GOLGA4: variants seen among roughly 807,000 people sequenced by gnomAD.
GOLGA4 encodes golgin A4, also known as golgin subfamily A member 4.
A neutral mutation model predicts 265.9 loss-of-function variants in GOLGA4; 169 were observed. The ratio of observed to expected loss-of-function variants is 0.64; its 90% CI spans 0.56 to 0.72. GOLGA4 has a LOEUF of 0.72. GOLGA4 is among the 30% of genes least tolerant of loss of function. The pLI is 0.00. For synonymous variants in GOLGA4, 923 were observed against 855.8 expected (o/e 1.08, Z -1.37); for missense variants, 2,482 against 2,483.4 (o/e 1.00, Z 0.01).
At chr3:37,245,129 T>G (rs1047227183) in intron 1 of GOLGA4, among the ~76,000 whole-genome samples, 1 of 152,244 alleles carries the variant, frequency 6.6e-6, no homozygotes, top group East Asian at 1.9e-4. Context: ...AATAGAGAAT[T>G]GGTTAAATTT....
intron 19 of GOLGA4, among the ~76,000 whole-genome samples, chr3:37,339,749 A>C (rs2097026620): frequency 6.6e-6 from 1 of 152,152 alleles, no homozygotes; most frequent in South Asian, 2.1e-4. Context: ...TTGAGTTGTA[A>C]ATGCTCTTTA....
chr3:37,306,287 G>A (rs929054626), intron 10 of GOLGA4, among the ~76,000 whole-genome samples: 3 of 152,188 alleles, frequency 2.0e-5, no homozygotes, highest in East Asian at 3.9e-4. Context: ...GGTTATAAGC[G>A]CTTCTGTAAT....
Position 37,324,089 on chromosome 3 carries a change from C to G in GOLGA4, c.2203C>G (p.Gln735Glu). The G allele has an allele frequency of 6.2e-7, 1 of 1,614,034 alleles. No homozygotes were observed. The highest frequency in any genetic ancestry group is 8.5e-7 in the Non-Finnish European group (1 of 1,179,998). ...MDEQKNHHQQ[Q>E]VDSIIKEHEV... ...TGAACAGAAAAATCATCACCAGCAG[C>G]AAGTTGACAGTATCATTAAAGAACA... Residue 735 changes from glutamine (Q) to glutamate (E), a missense_variant, in exon 14 of 24, where the codon CAA becomes GAA. By Grantham distance (29) the Gln-to-Glu change is conservative. Transcript: ENST00000361924.
chr3:37,257,972 T>C lies in GOLGA4; in HGVS notation c.162+6488T>C, dbSNP rs1273899717. ...ATGTATGTATATATGTATATATACATACATATATATATGTATGTATATATG... is the reference window on the plus strand; with the variant it reads ...ATGTATGTATATATGTATATATACACACATATATATATGTATGTATATATG... On this transcript the variant is annotated intron_variant, in intron 2 of 23. Coordinates refer to ENST00000361924, the MANE Select transcript of GOLGA4 (RefSeq NM_002078.5). Among the ~76,000 whole-genome samples the C allele has an allele frequency of 6.0e-5, 6 of 99,372 alleles. No individual in the cohort carries two copies. The East Asian group carries it at 9.7e-4, about 16-fold the overall frequency. 65.2% of individuals were successfully genotyped at this position (99,372 alleles called of 152,430 possible).
chr3:37,273,969 G>A (rs148424259), intron 2 of GOLGA4, among the ~76,000 whole-genome samples: 7 of 152,042 alleles, frequency 4.6e-5, no homozygotes, highest in African/African-American at 9.6e-5. Context: ...CAGGAGTGGC[G>A]CATGCCTGAA....
At chr3:37,285,191 A>G (rs1363865546) in intron 3 of GOLGA4, among the ~76,000 whole-genome samples, 1 of 136,622 alleles carries the variant, frequency 7.3e-6, no homozygotes, top group Non-Finnish European at 1.6e-5. Flanking sequence ...AATAGAGACA[A>G]GGTCTCACTA....
chr3:37,281,056 G>T (rs1031032316), intron 2 of GOLGA4, among the ~76,000 whole-genome samples: 4 of 152,130 alleles, frequency 2.6e-5, no homozygotes, highest in Non-Finnish European at 4.4e-5. Context: ...TAGTGACCCG[G>T]TTGTTAACTA....
In GOLGA4 at chr3:37,324,031, T is replaced by C; in HGVS notation, c.2145T>C (p.Asp715=). ...TTTCTGTTCTGAAAGATCAAACAGATAAAATGAAGCAGGAATTAGAGGCCA... is the reference window on the plus strand; with the variant it reads ...TTTCTGTTCTGAAAGATCAAACAGACAAAATGAAGCAGGAATTAGAGGCCA... The part of the protein sequence containing the change: ...EELSVLKDQT[D]KMKQELEAKM... The change falls in exon 14 of 24, where the codon GAT becomes GAC. Residue 715 remains aspartate (D), a synonymous_variant. Transcript: ENST00000361924. 6.2e-7 allele frequency: 1 copy of C among 1,613,796 alleles called. No homozygotes were observed. Among genetic ancestry groups the C allele is most frequent in the Non-Finnish European group, 8.5e-7 (1 of 1,179,910 alleles).
At chr3:37,303,023 C>T (rs2096897076) in intron 10 of GOLGA4, among the ~76,000 whole-genome samples, 1 of 152,218 alleles carries the variant, frequency 6.6e-6, no homozygotes, top group Admixed American at 6.5e-5. Flanking sequence ...ATGGGCCTAA[C>T]AAGAGAGGTG....
At chr3:37,321,579 C>A in intron 12 of GOLGA4, 152 bp from the exon 13 acceptor site, 1 of 636,402 alleles carries the variant, frequency 1.6e-6, no homozygotes, top group Non-Finnish European at 2.7e-6. Context: ...CTTGTTTCTG[C>A]AGACTAGAGC....
chr3:37,350,009 A>T (rs1433014910), intron 21 of GOLGA4, among the ~76,000 whole-genome samples: 1 of 152,142 alleles, frequency 6.6e-6, no homozygotes, highest in Non-Finnish European at 1.5e-5. Flanking sequence ...CTCCATGCTA[A>T]TGCTGAACCT....
intron 2 of GOLGA4, among the ~76,000 whole-genome samples, chr3:37,256,419 G>A (rs540080779): frequency 3.3e-5 from 5 of 151,818 alleles, no homozygotes; most frequent in South Asian, 4.2e-4. Flanking sequence ...GCAGTGAGCC[G>A]AGGTCGTGCC....
intron 11 of GOLGA4, among the ~76,000 whole-genome samples, chr3:37,318,332 C>T (rs1373980587): frequency 6.6e-6 from 1 of 152,136 alleles, no homozygotes. Flanking sequence ...CAGGCATAAG[C>T]CACCATGCCC....
At chr3:37,344,880 C>T (rs934253752) in intron 20 of GOLGA4, among the ~76,000 whole-genome samples, 11 of 152,132 alleles carry the variant, frequency 7.2e-5, no homozygotes, top group Non-Finnish European at 1.2e-4. Flanking sequence ...CCCATAATCA[C>T]AATATACCTC....
intron 20 of GOLGA4, among the ~76,000 whole-genome samples, chr3:37,345,980 A>C (rs2097055019): frequency 6.6e-6 from 1 of 152,128 alleles, no homozygotes; most frequent in African/African-American, 2.4e-5. Context: ...CTATTTAATA[A>C]AATTGCTTAT....
chr3:37,351,213 A>G (rs775323072), intron 21 of GOLGA4, among the ~76,000 whole-genome samples: 12 of 152,154 alleles, frequency 7.9e-5, no homozygotes, highest in Non-Finnish European at 1.5e-4. Context: ...TTCCATCTCA[A>G]GAAACCACTT....
At chr3:37,365,575 T>C (rs1455768340) in intron 23 of GOLGA4, among the ~76,000 whole-genome samples, 3 of 152,120 alleles carry the variant, frequency 2.0e-5, no homozygotes, top group Non-Finnish European at 4.4e-5. Flanking sequence ...GCCTGTCATC[T>C]TTAATTCCAG....
intron 18 of GOLGA4, 37 bp from the exon 19 acceptor site, chr3:37,337,629 C>G: frequency 2.9e-6 from 4 of 1,392,630 alleles, no homozygotes; most frequent in Non-Finnish European, 4.1e-6. Flanking sequence ...ATAATGAAAC[C>G]TATGTGCATT....
chr3:37,319,140 C>G lies in GOLGA4; in HGVS notation c.1491C>G (p.Thr497=), dbSNP rs756452160. Residue 497 remains threonine, a synonymous_variant, in exon 12 of 24, where the codon ACC becomes ACG. Coordinates refer to ENST00000361924, the MANE Select transcript of GOLGA4 (RefSeq NM_002078.5). The part of the protein sequence containing the change: ...KELARKEQEL[T]KKLQTREREF... ...TGGCCAGAAAAGAGCAGGAACTGAC[C>G]AAGAAGCTTCAGACCCGAGAAAGGG... 2 of 1,610,716 alleles carry G rather than the reference C, an allele frequency of 1.2e-6. No individual in the cohort carries two copies. Among genetic ancestry groups the G allele is most frequent in the Non-Finnish European group, 1.7e-6 (2 of 1,178,002 alleles).
Sources: gnomAD v4.1 joint callset for allele counts (sites outside exome capture counted in the v4.1 genomes callset) on GRCh38, gnomAD v4.1.1 for gene constraint, MANE v1.5 for transcripts, NCBI Gene and HGNC (gene_info 2026-07-23, HGNC 2026-07-21) for gene names.